Variants in LEKR1 observed in about 807,000 individuals in gnomAD.
LEKR1 encodes the protein leucine, glutamate and lysine rich 1.
Under a neutral mutation model 72.4 loss-of-function variants are expected in LEKR1, and 59 were observed. The ratio of observed to expected loss-of-function variants is 0.82; its 90% confidence interval spans 0.66 to 1.01. The LOEUF is 1.01. Among genes scored for constraint, LEKR1 ranks in the 50% least tolerant of loss-of-function variants. The probability of loss-of-function intolerance (pLI) is 0.00; values close to 1 mark genes in which losing one functional copy is unlikely to be tolerated. For missense variants in LEKR1, 728 were observed against 759.2 expected (o/e 0.96, Z 0.48); for synonymous variants, 257 against 263.2 (o/e 0.98, Z 0.23).
intron 10 of LEKR1, among the ~76,000 whole-genome samples, chr3:157,024,195 A>T (rs1044789767): frequency 2.0e-5 from 3 of 152,158 alleles, no homozygotes; most frequent in African/African-American, 7.2e-5. Context: ...TAAAATCGAA[A>T]AATCATAAGT....
chr3:156,920,730 A>C, intron 4 of LEKR1, 36 bp downstream of exon 4: 1 of 1,149,982 alleles, frequency 8.7e-7, no homozygotes, highest in Non-Finnish European at 1.2e-6. Context: ...AAAGATTGAA[A>C]AGATATGCTT....
intron 1 of LEKR1, among the ~76,000 whole-genome samples, chr3:156,827,615 T>G (rs890673441): frequency 1.3e-5 from 2 of 152,250 alleles, no homozygotes; most frequent in Non-Finnish European, 2.9e-5. Flanking sequence ...AGCCGTGATG[T>G]GCATCAAAGT....
Position 156,992,646 on chromosome 3 carries a change from AT to A in LEKR1, c.828-3del. On this transcript the variant is annotated splice_polypyrimidine_tract_variant and splice_region_variant and intron_variant, in intron 7 of 12. Coordinates refer to ENST00000356539, the MANE Select transcript of LEKR1 (RefSeq NM_001004316.3). ...AATATATTTTAACTTCTTTTGTATT[AT>A]TTTAGGAATAAATCTAATGAAGCTG... The A allele has an allele frequency of 3.1e-6, 2 of 654,740 alleles. No individual in the cohort carries two copies. The highest frequency in any genetic ancestry group is 4.2e-6 in the Non-Finnish European group (2 of 477,984). The allele number at this position is 654,740 out of a possible 1,614,324, so 40.6% of individuals were successfully genotyped here. A position where few individuals can be genotyped will look rare whatever the true frequency, so the allele number is the denominator to read the frequency against.
intron 9 of LEKR1, among the ~76,000 whole-genome samples, chr3:156,998,218 G>A (rs543477824): frequency 1.3e-5 from 2 of 152,212 alleles, no homozygotes; most frequent in Admixed American, 1.3e-4. Flanking sequence ...CATATTGTGG[G>A]TTAAAAAGTG....
intron 3 of LEKR1, among the ~76,000 whole-genome samples, chr3:156,876,171 T>A (rs1044321749): frequency 3.3e-5 from 5 of 152,182 alleles, no homozygotes; most frequent in African/African-American, 1.2e-4. Context: ...GGGTTCTCTC[T>A]TCTGTTCCAT....
At chr3:156,949,945 G>A (rs944393093) in intron 6 of LEKR1, among the ~76,000 whole-genome samples, 1 of 151,196 alleles carries the variant, frequency 6.6e-6, no homozygotes, top group African/African-American at 2.4e-5. Context: ...CTAAAACATT[G>A]TATAAAATTA....
intron 9 of LEKR1, among the ~76,000 whole-genome samples, chr3:157,005,042 ACTAAT>A (rs1220586804): frequency 1.3e-5 from 2 of 152,066 alleles, no homozygotes; most frequent in Non-Finnish European, 2.9e-5. Context: ...CTCAAGGTAG[ACTAAT>A]CAGGAATAAA....
At chr3:156,873,463 G>T (rs918127760) in intron 3 of LEKR1, among the ~76,000 whole-genome samples, 1 of 151,852 alleles carries the variant, frequency 6.6e-6, no homozygotes, top group African/African-American at 2.4e-5. Context: ...TTGATTTCTG[G>T]TTGGTTTGTA....
chr3:157,022,100 C>T (rs574657204), intron 10 of LEKR1, among the ~76,000 whole-genome samples: 1 of 152,136 alleles, frequency 6.6e-6, no homozygotes, highest in Non-Finnish European at 1.5e-5. Flanking sequence ...CACCCTGCAA[C>T]AGGCCAAGGC....
At chr3:156,988,625 G>A (rs960929776) in intron 7 of LEKR1, 5 of 231,104 alleles carry the variant, frequency 2.2e-5, no homozygotes, top group Admixed American at 4.4e-5. Flanking sequence ...TCCTGGTAAA[G>A]GTACTGAAGA....
chr3:156,907,011 A>G (rs181345228), intron 3 of LEKR1, among the ~76,000 whole-genome samples: 1 of 152,244 alleles, frequency 6.6e-6, no homozygotes. Context: ...TTAAATATCT[A>G]CTATTTCTAC....
chr3:156,996,653 A>G (rs1731595078), intron 9 of LEKR1, among the ~76,000 whole-genome samples: 1 of 152,192 alleles, frequency 6.6e-6, no homozygotes, highest in South Asian at 2.1e-4. Context: ...AAGAGATATG[A>G]GAAATATGAG....
At chr3:156,977,592 T>C (rs1729809171) in intron 6 of LEKR1, 5 of 295,446 alleles carry the variant, frequency 1.7e-5, no homozygotes, top group South Asian at 1.7e-4. Context: ...TTATGACATA[T>C]GCAACAAAGT....
intron 2 of LEKR1, among the ~76,000 whole-genome samples, chr3:156,845,503 T>C (rs887525227): frequency 2.0e-5 from 3 of 151,950 alleles, no homozygotes; most frequent in South Asian, 4.1e-4. Flanking sequence ...TCCCTACTTG[T>C]AGAATATGTG....
intron 12 of LEKR1, among the ~76,000 whole-genome samples, 200 bp downstream of exon 12, chr3:157,028,602 C>T (rs746068527): frequency 6.6e-6 from 1 of 152,184 alleles, no homozygotes; most frequent in Non-Finnish European, 1.5e-5. Context: ...CTTAGCCTCT[C>T]CAGACCTGGC....
intron 9 of LEKR1, among the ~76,000 whole-genome samples, chr3:157,006,774 T>G (rs1732470899): frequency 6.6e-6 from 1 of 152,326 alleles, no homozygotes; most frequent in Admixed American, 6.5e-5. Flanking sequence ...CTGTATGACT[T>G]CAGAATCATA....
intron 12 of LEKR1, among the ~76,000 whole-genome samples, chr3:157,044,850 C>G (rs1735635578): frequency 6.6e-6 from 1 of 152,050 alleles, no homozygotes; most frequent in African/African-American, 2.4e-5. Flanking sequence ...TTTTTTTATT[C>G]TTTCAATCTT....
chr3:156,854,545 CT>C (rs200242109), intron 3 of LEKR1, among the ~76,000 whole-genome samples: 3,751 of 144,790 alleles, frequency 0.026, 137 homozygotes, highest in East Asian at 0.17. Context: ...TCTTTCTTTC[CT>C]TTTTTTTTTT....
intron 6 of LEKR1, among the ~76,000 whole-genome samples, chr3:156,953,217 A>G (rs553993054): frequency 6.6e-6 from 1 of 151,672 alleles, no homozygotes; most frequent in South Asian, 2.1e-4. Flanking sequence ...AAAAAATGAA[A>G]AGATAATATA....
Sources: gnomAD v4.1 joint callset for allele counts (sites outside exome capture counted in the v4.1 genomes callset) on GRCh38, gnomAD v4.1.1 for gene constraint, MANE v1.5 for transcripts, NCBI Gene and HGNC (gene_info 2026-07-23, HGNC 2026-07-21) for gene names.